The following TUBGCP3 variants were observed in gnomAD, a reference collection of about 807,000 sequenced individuals.
TUBGCP3 encodes the protein tubulin gamma complex component 3.
Under a neutral mutation model 123.1 loss-of-function variants are expected in TUBGCP3, and 50 were observed. The ratio of observed to expected loss-of-function variants is 0.41; its 90% CI spans 0.32 to 0.51. TUBGCP3 has a LOEUF of 0.51. Among genes scored for constraint, TUBGCP3 ranks in the 20% least tolerant of loss-of-function variants. TUBGCP3 has a pLI of 0.36. For synonymous variants in TUBGCP3, 405 were observed against 413.9 expected (o/e 0.98, Z 0.26); for missense variants, 882 against 1,127.0 (o/e 0.78, Z 3.11).
intron 2 of TUBGCP3, 89 bp from the exon 3 acceptor site, chr13:112,565,267 G>T (rs937643468): frequency 5.3e-6 from 6 of 1,128,058 alleles, no homozygotes; most frequent in South Asian, 1.3e-5. Flanking sequence ...ACCATAACTC[G>T]CAAGTGATGA....
At chr13:112,559,439 A>G (rs765814418) in intron 3 of TUBGCP3, 40 bp from the exon 4 acceptor site, 5 of 1,489,790 alleles carry the variant, frequency 3.4e-6, no homozygotes, top group Non-Finnish European at 4.6e-6. Context: ...ACGATTTTAT[A>G]CTACTCTCCA....
intron 20 of TUBGCP3, among the ~76,000 whole-genome samples, chr13:112,497,144 A>G (rs1224912601): frequency 6.6e-6 from 1 of 152,188 alleles, no homozygotes; most frequent in African/African-American, 2.4e-5. Context: ...ATATCATCAC[A>G]CATAGATAAG....
At chr13:112,533,536 C>G (rs539834354) in intron 11 of TUBGCP3, among the ~76,000 whole-genome samples, 14 of 151,552 alleles carry the variant, frequency 9.2e-5, no homozygotes, top group Non-Finnish European at 2.1e-4. Context: ...ACTAACCTCA[C>G]TAACCTCTAT....
Position 112,582,527 on chromosome 13 carries a change from C to A in TUBGCP3, c.76+5378G>T, listed in dbSNP as rs115757245. On this transcript the variant is annotated intron_variant, in intron 1 of 21. Coordinates refer to ENST00000261965, the MANE Select transcript of TUBGCP3 (RefSeq NM_006322.6). ...GCTGCCACGTGAGGAGCCCAGGGAC[C>A]AGAGAGGGGAACCCACAGGGAAGGG... 6.3e-3 allele frequency among the ~76,000 whole-genome samples: 964 copies of A among 152,260 alleles called. 9 individuals carry two copies. Among genetic ancestry groups the A allele is most frequent in the African/African-American group, 0.022 (904 of 41,544 alleles).
chr13:112,586,250 A>C (rs545430809), intron 1 of TUBGCP3, among the ~76,000 whole-genome samples: 170 of 152,304 alleles, frequency 1.1e-3, no homozygotes, highest in African/African-American at 3.8e-3. Context: ...CAAAAAAAAA[A>C]AAAAGTTCTT....
intron 1 of TUBGCP3, among the ~76,000 whole-genome samples, chr13:112,587,671 A>G (rs1196837956): frequency 8.5e-6 from 1 of 117,080 alleles, no homozygotes; most frequent in African/African-American, 3.4e-5. Context: ...TGGCCTCTCC[A>G]CTCCCTCCGC....
Position 112,533,855 on chromosome 13 carries a change from T to C in TUBGCP3, c.1336-6371A>G, listed in dbSNP as rs1008622572. On this transcript the variant is annotated intron_variant, in intron 11 of 21. Coordinates refer to ENST00000261965, the MANE Select transcript of TUBGCP3 (RefSeq NM_006322.6). ...CATAGGTTTTGGGAAACAAGTGGTG[T>C]TTGGTTGCACGAGTAAGTTCTTTAG... 2.6e-5 allele frequency among the ~76,000 whole-genome samples: 4 copies of C among 151,170 alleles called. No individual in the cohort carries two copies. The South Asian group carries it at 8.4e-4, about 32-fold the overall frequency.
intron 1 of TUBGCP3, among the ~76,000 whole-genome samples, chr13:112,579,859 T>TA (rs1882159186): frequency 1.3e-5 from 2 of 152,196 alleles, no homozygotes; most frequent in Admixed American, 1.3e-4. Flanking sequence ...AAAACTAACT[T>TA]AAGTTCACAT....
chr13:112,560,943 A>G (rs775230462), intron 3 of TUBGCP3, among the ~76,000 whole-genome samples: 11 of 152,218 alleles, frequency 7.2e-5, no homozygotes, highest in Non-Finnish European at 1.5e-4. Context: ...AGTCTCCTAG[A>G]AAGATGGACC....
At chr13:112,556,011 G>C (rs753509141) in intron 6 of TUBGCP3, 41 bp downstream of exon 6, 6 of 1,569,762 alleles carry the variant, frequency 3.8e-6, no homozygotes, top group Non-Finnish European at 5.2e-6. Flanking sequence ...TGAATTCCAA[G>C]TGTTCACAGA....
chr13:112,553,933 G>A, intron 8 of TUBGCP3, 124 bp downstream of exon 8: 1 of 1,445,390 alleles, frequency 6.9e-7, no homozygotes, highest in Non-Finnish European at 9.3e-7. Flanking sequence ...CCTGAAAGTT[G>A]ACTCTCAAAG....
In TUBGCP3 at chr13:112,524,357, C is replaced by T. The variant is rs1340797370; in HGVS notation, c.1556-1848G>A. ...GATGTGGGGCGGTGGGTACAGGGGC[C>T]GCCAGCAGCACAGCAGACGCGGTGC... On this transcript the variant is annotated intron_variant, in intron 13 of 21. Transcript: ENST00000261965. This position sits in a 1 kb window ranked among gnomAD's most constrained non-coding sequence, Gnocchi z 4.4. Among the ~76,000 whole-genome samples, 1 of 152,060 alleles carries T rather than the reference C, an allele frequency of 6.6e-6. No individual in the cohort carries two copies. Among genetic ancestry groups the T allele is most frequent in the Non-Finnish European group, 1.5e-5 (1 of 68,026 alleles).
In TUBGCP3 at chr13:112,485,663, G is replaced by T. The variant is rs115107891; in HGVS notation, c.*330C>A. On this transcript the variant is annotated 3_prime_UTR_variant, in exon 22 of 22. Transcript: ENST00000261965. ...CACCCTAATTTTTTCTAAAAGAAAT[G>T]GATTTTTTAAAGTGACAAATATAAA... The T allele has an allele frequency of 4.3e-3, 1,087 of 251,158 alleles. 11 individuals carry two copies. Among genetic ancestry groups the T allele is most frequent in the African/African-American group, 0.022 (1,012 of 45,318 alleles). The allele number at this position is 251,158 out of a possible 1,614,324, so 15.6% of individuals were successfully genotyped here.
chr13:112,553,709 C>T (rs1594190175), intron 8 of TUBGCP3, among the ~76,000 whole-genome samples: 1 of 152,358 alleles, frequency 6.6e-6, no homozygotes, highest in African/African-American at 2.4e-5. Flanking sequence ...GGCCCCGTCC[C>T]AGCAGGGCCC....
chr13:112,539,960 A>G (rs1332798700), intron 11 of TUBGCP3, among the ~76,000 whole-genome samples: 2 of 145,584 alleles, frequency 1.4e-5, no homozygotes, highest in Admixed American at 6.7e-5. Context: ...GATGACGTCA[A>G]TGTAGTAGCC....
At chr13:112,593,487 A>G in the TUBGCP3 span, among the ~76,000 whole-genome samples, 1 of 152,120 alleles carries the variant, frequency 6.6e-6, no homozygotes, top group Non-Finnish European at 1.5e-5. Flanking sequence ...AGCCTATCCA[A>G]CATGGTGAAA....
At chr13:112,497,128 C>T (rs943299958) in intron 20 of TUBGCP3, among the ~76,000 whole-genome samples, 3 of 152,076 alleles carry the variant, frequency 2.0e-5, no homozygotes, top group Admixed American at 2.0e-4. Context: ...ACTAAATAAG[C>T]GTCATATATC....
In TUBGCP3 at chr13:112,522,467, T is replaced by C. The variant is rs1310621075; in HGVS notation, c.1598A>G (p.Lys533Arg). The C allele has an allele frequency of 1.2e-6, 2 of 1,613,780 alleles. No individual in the cohort carries two copies. The highest frequency in any genetic ancestry group is 2.7e-5 in the African/African-American group (2 of 74,928). ...FTDLENAFQG[K>R]IDAAYFETSK... Reference sequence around the variant, plus strand: ...GGTCTCAAAATAAGCAGCATCAATCTTCCCCTGAAATGCATTTTCCAAGTC... The same window carrying C: ...GGTCTCAAAATAAGCAGCATCAATCCTCCCCTGAAATGCATTTTCCAAGTC... Residue 533 changes from lysine to arginine, a missense_variant, in exon 14 of 22, where the codon AAG becomes AGG. Around this residue, in one of 3 missense-constraint regions of TUBGCP3, gnomAD observed 713 missense variants for 874.0 expected, o/e 0.82. Transcript: ENST00000261965.
At chr13:112,501,782 G>A (rs1220836546) in intron 19 of TUBGCP3, among the ~76,000 whole-genome samples, 2 of 152,104 alleles carry the variant, frequency 1.3e-5, no homozygotes, top group African/African-American at 2.4e-5. Context: ...CACCTTCAAC[G>A]ACGTCAGGTG....
Sources: gnomAD v4.1 joint callset for allele counts (sites outside exome capture counted in the v4.1 genomes callset) on GRCh38, gnomAD v4.1.1 for gene constraint, gnomAD v4.1.1 regional missense constraint, Gnocchi (gnomAD v3.1) non-coding constraint, MANE v1.5 for transcripts, NCBI Gene and HGNC (gene_info 2026-07-23, HGNC 2026-07-21) for gene names.